MGAT5: variants seen among roughly 807,000 people sequenced by gnomAD.
MGAT5 encodes alpha-1,6-mannosylglycoprotein 6-beta-N-acetylglucosaminyltransferase, also known as alpha-1,6-mannosylglycoprotein 6-beta-N-acetylglucosaminyltransferase A.
A neutral mutation model predicts 94.3 loss-of-function variants in MGAT5; 30 were observed. The observed-to-expected ratio is 0.32, with a 90% CI of 0.24 to 0.43. MGAT5 has a LOEUF of 0.43. MGAT5 is among the 20% of genes least tolerant of loss of function. MGAT5 has a pLI of 1.00. For missense variants in MGAT5, 691 were observed against 905.5 expected (o/e 0.76, Z 3.04); for synonymous variants, 310 against 322.9 (o/e 0.96, Z 0.43).
At chr2:134,234,314 A>G (rs917737917) in intron 1 of MGAT5, among the ~76,000 whole-genome samples, 5 of 152,182 alleles carry the variant, frequency 3.3e-5, no homozygotes, top group African/African-American at 1.2e-4. Flanking sequence ...ATCTTTATTA[A>G]CCAAGGGGGC....
At chr2:134,233,589 C>T (rs1043587335) in intron 1 of MGAT5, among the ~76,000 whole-genome samples, 4 of 152,162 alleles carry the variant, frequency 2.6e-5, no homozygotes, top group Non-Finnish European at 5.9e-5. Context: ...TCAGCAAAGG[C>T]AGATCTTAAT....
rs141622319 is a variant in MGAT5, at chr2:134,373,806, C to G, written c.1380+11398C>G. On this transcript the variant is annotated intron_variant, in intron 10 of 15. Coordinates refer to ENST00000281923, the MANE Select transcript of MGAT5 (RefSeq NM_002410.5). Reference sequence around the variant, plus strand: ...AGAGACAGTCAAGGGCACTGCCACCCTCCCAACTCGATGAAGCCTTCTCAG... The same window carrying G: ...AGAGACAGTCAAGGGCACTGCCACCGTCCCAACTCGATGAAGCCTTCTCAG... 9.0e-4 allele frequency among the ~76,000 whole-genome samples: 137 copies of G among 152,340 alleles called. 1 individual carries two copies. The East Asian group carries it at 0.023, about 26-fold the overall frequency.
chr2:134,411,451 G>A (rs545688741), intron 11 of MGAT5, among the ~76,000 whole-genome samples: 3 of 152,250 alleles, frequency 2.0e-5, no homozygotes, highest in Admixed American at 6.5e-5. Flanking sequence ...TTGTGATCAC[G>A]CAGTTTTCAG....
intron 1 of MGAT5, among the ~76,000 whole-genome samples, chr2:134,195,341 T>C (rs1314332804): frequency 1.3e-5 from 2 of 152,258 alleles, no homozygotes; most frequent in African/African-American, 2.4e-5. Flanking sequence ...ATTTTCTGTT[T>C]CTAGACAAGG....
At chr2:134,293,906 G>T (rs1685522185) in intron 2 of MGAT5, among the ~76,000 whole-genome samples, 1 of 152,186 alleles carries the variant, frequency 6.6e-6, no homozygotes, top group Admixed American at 6.5e-5. Context: ...TCATACAGAA[G>T]TGTGTGGAGG....
chr2:134,430,673 C>T (rs1377128550), intron 14 of MGAT5, among the ~76,000 whole-genome samples: 8 of 152,074 alleles, frequency 5.3e-5, no homozygotes, highest in Non-Finnish European at 8.8e-5. Context: ...CCCCCACCCC[C>T]ACCATATAGG....
chr2:134,380,328 CT>C (rs369440593), intron 10 of MGAT5, among the ~76,000 whole-genome samples: 52 of 152,322 alleles, frequency 3.4e-4, no homozygotes, highest in African/African-American at 1.2e-3. Context: ...TAGTTACTAT[CT>C]TTTATTTGCA....
chr2:134,441,989 G>A lies in MGAT5; in HGVS notation c.2027+74G>A. The A allele has an allele frequency of 2.6e-6, 4 of 1,534,564 alleles. No individual in the cohort carries two copies. In the South Asian group the frequency reaches 3.6e-5, roughly 14 times the overall value. ...GGCCTTGTTGGGTAGTCAGGTGAGA[G>A]GTACAGGTTTCCTCTTCCAAGCTAC... On this transcript the variant is annotated intron_variant, in intron 15 of 15. Transcript: ENST00000281923.
Position 134,308,473 on chromosome 2 carries a change from C to T in MGAT5, c.407-9056C>T, listed in dbSNP as rs188734899. Among the ~76,000 whole-genome samples the T allele has an allele frequency of 1.9e-4, 29 of 152,244 alleles. No individual in the cohort carries two copies. In the East Asian group the frequency reaches 5.2e-3, roughly 27 times the overall value. On this transcript the variant is annotated intron_variant, in intron 2 of 15. Coordinates refer to ENST00000281923, the MANE Select transcript of MGAT5 (RefSeq NM_002410.5). Reference sequence around the variant, plus strand: ...CTCATCGCATGTCCCATCTACTAGCCCATGGAAAGTGTATATGGCATTGGG... The same window carrying T: ...CTCATCGCATGTCCCATCTACTAGCTCATGGAAAGTGTATATGGCATTGGG...
intron 15 of MGAT5, among the ~76,000 whole-genome samples, chr2:134,446,016 G>C (rs559370364): frequency 2.6e-5 from 4 of 152,310 alleles, no homozygotes; most frequent in African/African-American, 4.8e-5. Flanking sequence ...CTCACTGGGG[G>C]CTTAGAAGAC....
chr2:134,147,554 T>C (rs1356914175), intron 1 of MGAT5, among the ~76,000 whole-genome samples: 1 of 149,128 alleles, frequency 6.7e-6, no homozygotes, highest in Admixed American at 6.7e-5. Context: ...TATCAGGAAA[T>C]GTACATTTTT....
chr2:134,232,778 C>T (rs1305461585), intron 1 of MGAT5, among the ~76,000 whole-genome samples: 1 of 152,132 alleles, frequency 6.6e-6, no homozygotes, highest in East Asian at 1.9e-4. Flanking sequence ...TGCACATTTT[C>T]ATTTAAGAAT....
At chr2:134,137,883 C>A (rs919869780) in intron 1 of MGAT5, among the ~76,000 whole-genome samples, 1 of 138,414 alleles carries the variant, frequency 7.2e-6, no homozygotes, top group African/African-American at 2.7e-5. Context: ...TCTCGCCTTT[C>A]TTTTCTTTTT....
At chr2:134,224,284 A>G (rs568869114) in intron 1 of MGAT5, among the ~76,000 whole-genome samples, 3 of 152,300 alleles carry the variant, frequency 2.0e-5, no homozygotes, top group East Asian at 1.9e-4. Flanking sequence ...GGTATCTTCC[A>G]TAAGTATTAG....
intron 1 of MGAT5, among the ~76,000 whole-genome samples, chr2:134,206,715 A>T (rs1463199904): frequency 6.6e-6 from 1 of 152,182 alleles, no homozygotes; most frequent in Non-Finnish European, 1.5e-5. Flanking sequence ...ACAGAGATGC[A>T]GAGGAGGATT....
At chr2:134,407,426 T>C (rs1683405985) in intron 11 of MGAT5, among the ~76,000 whole-genome samples, 1 of 152,194 alleles carries the variant, frequency 6.6e-6, no homozygotes, top group Non-Finnish European at 1.5e-5. Context: ...GTATATAGAC[T>C]GAAGAGTGTA....
intron 11 of MGAT5, among the ~76,000 whole-genome samples, chr2:134,411,624 A>G (rs1683667357): frequency 6.6e-6 from 1 of 152,222 alleles, no homozygotes; most frequent in Non-Finnish European, 1.5e-5. Context: ...GGCTGTGCTC[A>G]GGGTTGGCCT....
At chr2:134,213,715 T>C (rs1442021805) in intron 1 of MGAT5, among the ~76,000 whole-genome samples, 3 of 152,200 alleles carry the variant, frequency 2.0e-5, no homozygotes, top group Admixed American at 6.5e-5. Flanking sequence ...TGCTGGTTTG[T>C]TGGAAAGGAT....
At chr2:134,139,390 G>A (rs748942220) in intron 1 of MGAT5, among the ~76,000 whole-genome samples, 4 of 151,858 alleles carry the variant, frequency 2.6e-5, no homozygotes, top group African/African-American at 7.3e-5. Context: ...CACTCTGGCC[G>A]TGGCTGCTAT....
Sources: allele counts gnomAD v4.1 joint callset (sites outside exome capture counted in the v4.1 genomes callset), GRCh38; gene constraint gnomAD v4.1.1; transcripts MANE v1.5; gene names NCBI Gene and HGNC (gene_info 2026-07-23, HGNC 2026-07-21).